The following COL5A1 variants were observed in gnomAD, a reference collection of about 807,000 sequenced individuals.
COL5A1 encodes collagen alpha-1(V) chain.
A neutral mutation model predicts 263.7 loss-of-function variants in COL5A1; 16 were observed. That is an observed-to-expected ratio of 0.06 (90% CI 0.04 to 0.09). COL5A1 has a LOEUF of 0.09. COL5A1 is among the 10% of genes least tolerant of loss of function. The pLI is 1.00. For missense variants in COL5A1, 2,036 were observed against 2,540.5 expected, an observed-to-expected ratio of 0.80 and a Z score of 4.27; for synonymous variants, 1,012 against 1,004.5, an observed-to-expected ratio of 1.01 and a Z score of -0.14.
rs918605035 is a variant in COL5A1, at chr9:134,816,898, C to G, written c.4123-128C>G. On this transcript the variant is annotated intron_variant, in intron 52 of 65. Transcript: ENST00000371817. ...TGTCTTAGGACCCTCTGTGCTAGCC[C>G]CAAAAGAAGAGAGAGGCGGCCGCAG... The G allele has an allele frequency of 3.0e-5, 26 of 857,404 alleles. No individual in the cohort carries two copies. The Admixed American group carries it at 4.6e-4, about 15-fold the overall frequency. 53.1% of individuals were successfully genotyped at this position (857,404 alleles called of 1,614,324 possible). A position where few individuals can be genotyped will look rare whatever the true frequency, so the allele number is the denominator to read the frequency against.
At chr9:134,661,880 C>T (rs146253711) in intron 1 of COL5A1, among the ~76,000 whole-genome samples, 47 of 152,264 alleles carry the variant, frequency 3.1e-4, no homozygotes, top group African/African-American at 1.0e-3. Flanking sequence ...TTCCCTCCAG[C>T]GGCTTCTGTT....
At chr9:134,713,359 A>G (rs916408594) in intron 4 of COL5A1, among the ~76,000 whole-genome samples, 3 of 152,200 alleles carry the variant, frequency 2.0e-5, no homozygotes, top group African/African-American at 7.2e-5. Flanking sequence ...CCTCCCTCCC[A>G]GTCTGCAGCC....
At chr9:134,658,699 C>T (rs747230158) in intron 1 of COL5A1, among the ~76,000 whole-genome samples, 1 of 143,070 alleles carries the variant, frequency 7.0e-6, no homozygotes, top group East Asian at 1.9e-4. Context: ...CGGCTTCTGT[C>T]CCCTGGAGGG....
At chr9:134,672,988 A>C (rs746661810) in intron 1 of COL5A1, among the ~76,000 whole-genome samples, 3 of 152,232 alleles carry the variant, frequency 2.0e-5, no homozygotes, top group Non-Finnish European at 4.4e-5. Flanking sequence ...TGATTACAAA[A>C]TATTGCATAG....
In COL5A1 at chr9:134,642,075, C is replaced by A; in HGVS notation, c.-113C>A. ...GGGGGTGCCGAGGTCCCCATGACCT[C>A]CTAAAGTGGTGCGGTCCCTGCTGAG... On this transcript the variant is annotated 5_prime_UTR_variant, in exon 1 of 66. Transcript: ENST00000371817. This position sits in a 1 kb window ranked among gnomAD's most constrained non-coding sequence, Gnocchi z 4.5. The A allele has an allele frequency of 1.1e-6, 1 of 951,978 alleles. No individual in the cohort carries two copies. Among genetic ancestry groups the A allele is most frequent in the Non-Finnish European group, 1.4e-6 (1 of 733,204 alleles). The allele number at this position is 951,978 out of a possible 1,614,324, so 59.0% of individuals were successfully genotyped here.
intron 27 of COL5A1, among the ~76,000 whole-genome samples, chr9:134,779,830 A>G (rs997290838): frequency 6.6e-5 from 10 of 152,156 alleles, no homozygotes; most frequent in Admixed American, 2.6e-4. Flanking sequence ...GGGCCCTTGG[A>G]AGGGCGGGTC....
chr9:134,808,264 G>A (rs1838366494), intron 42 of COL5A1, among the ~76,000 whole-genome samples: 1 of 152,106 alleles, frequency 6.6e-6, no homozygotes, highest in Admixed American at 6.5e-5. Context: ...CTCCTTCTGT[G>A]TATCTGTCGG....
At chr9:134,750,637 G>A (rs746642261) in intron 12 of COL5A1, 21 bp downstream of exon 12, 3 of 1,612,124 alleles carry the variant, frequency 1.9e-6, no homozygotes, top group African/African-American at 2.7e-5. Flanking sequence ...TTATCAGTCG[G>A]AGGTGGGGAG....
intron 2 of COL5A1, 77 bp downstream of exon 2, chr9:134,691,156 C>A: frequency 1.3e-6 from 2 of 1,572,382 alleles, no homozygotes; most frequent in Non-Finnish European, 1.7e-6. Flanking sequence ...AGCGCTCAAG[C>A]CTGCGTGGTG....
intron 1 of COL5A1, among the ~76,000 whole-genome samples, chr9:134,673,459 CA>C (rs35466442): frequency 0.033 from 3,435 of 103,012 alleles, 77 homozygotes; most frequent in African/African-American, 0.093. Flanking sequence ...GACTCCATCT[CA>C]AAAAAAAAAA....
At chr9:134,803,668 CCGTTT>C (rs1838191454) in intron 39 of COL5A1, among the ~76,000 whole-genome samples, 1 of 151,930 alleles carries the variant, frequency 6.6e-6, no homozygotes, top group Non-Finnish European at 1.5e-5. Context: ...CAGTGAAACC[CCGTTT>C]CTACTAAAAA....
chr9:134,747,849 AC>A (rs1042755035), intron 11 of COL5A1, among the ~76,000 whole-genome samples: 1 of 151,560 alleles, frequency 6.6e-6, no homozygotes, highest in East Asian at 1.9e-4. Context: ...ACACATGCAC[AC>A]ATGCATTCAT....
chr9:134,820,875 C>T (rs996035489), intron 58 of COL5A1, among the ~76,000 whole-genome samples: 4 of 152,244 alleles, frequency 2.6e-5, no homozygotes, highest in Non-Finnish European at 4.4e-5. Context: ...GGAATCTTTC[C>T]GTCCCGAGCA....
chr9:134,756,760 T>G lies in COL5A1; in HGVS notation c.1828-5T>G. ...GCATTGACGGTTTTGCCTCCTTTGTTCCAGGGTCGGGCTGGGAGTGATGGA... is the reference window on the plus strand; with the variant it reads ...GCATTGACGGTTTTGCCTCCTTTGTGCCAGGGTCGGGCTGGGAGTGATGGA... On this transcript the variant is annotated splice_polypyrimidine_tract_variant and splice_region_variant and intron_variant, in intron 16 of 65. Coordinates refer to ENST00000371817, the MANE Select transcript of COL5A1 (RefSeq NM_000093.5). The G allele has an allele frequency of 6.2e-7, 1 of 1,613,998 alleles. No homozygotes were observed. Among genetic ancestry groups the G allele is most frequent in the South Asian group, 1.1e-5 (1 of 91,068 alleles).
chr9:134,671,583 A>G (rs1832540203), intron 1 of COL5A1, among the ~76,000 whole-genome samples: 1 of 152,260 alleles, frequency 6.6e-6, no homozygotes, highest in African/African-American at 2.4e-5. Flanking sequence ...CAGCAGAGCC[A>G]GAGAGGAACC....
At chr9:134,708,554 G>A (rs369092430) in intron 4 of COL5A1, 15 of 517,818 alleles carry the variant, frequency 2.9e-5, no homozygotes, top group Admixed American at 3.9e-5. Flanking sequence ...ATCCACCTCC[G>A]CTGTCTCAGG....
rs1190343916 is a variant in COL5A1 at position 134,822,248 on chromosome 9, TCA to T, written c.4608+102_4608+103del. ...GTGGAGCTAGAGAATTGTGGAAAAG[TCA>T]CACGAGAAGCTGGAATTGGGGCCTC... On this transcript the variant is annotated intron_variant, in intron 59 of 65. Transcript: ENST00000371817. 3.7e-6 allele frequency: 4 copies of T among 1,089,912 alleles called. No individual in the cohort carries two copies. In the African/African-American group the frequency reaches 6.2e-5, roughly 17 times the overall value. The allele number at this position is 1,089,912 out of a possible 1,614,324, so 67.5% of individuals were successfully genotyped here. A position where few individuals can be genotyped will look rare whatever the true frequency, so the allele number is the denominator to read the frequency against.
intron 8 of COL5A1, 119 bp from the exon 9 acceptor site, chr9:134,731,952 G>A: frequency 8.5e-7 from 1 of 1,182,642 alleles, no homozygotes; most frequent in Non-Finnish European, 1.3e-6. Context: ...GGCCTGGGGA[G>A]ATGCCCAGCT....
At chr9:134,788,168 G>C (rs1337872932) in intron 31 of COL5A1, among the ~76,000 whole-genome samples, 1 of 151,462 alleles carries the variant, frequency 6.6e-6, no homozygotes, top group East Asian at 2.0e-4. Context: ...ATAGACAAGT[G>C]GATGAATGGA....
Sources: gnomAD v4.1 joint callset for allele counts (sites outside exome capture counted in the v4.1 genomes callset) on GRCh38, gnomAD v4.1.1 for gene constraint, Gnocchi (gnomAD v3.1) non-coding constraint, MANE v1.5 for transcripts, NCBI Gene and HGNC (gene_info 2026-07-23, HGNC 2026-07-21) for gene names.